Variants in GAS7 observed in about 807,000 individuals in gnomAD.
GAS7 encodes the protein growth arrest specific 7, also known as growth arrest-specific protein 7.
A neutral mutation model predicts 71.1 loss-of-function variants in GAS7; 28 were observed. The ratio of observed to expected loss-of-function variants is 0.39; its 90% CI spans 0.29 to 0.54. The LOEUF (loss-of-function observed/expected upper bound fraction) is 0.54. Ranked by LOEUF, GAS7 falls within the 20% of genes least tolerant of loss-of-function variation. GAS7 has a pLI of 0.62. For missense variants in GAS7, 436 were observed against 627.8 expected (o/e 0.69, Z 3.27); for synonymous variants, 258 against 245.8 (o/e 1.05, Z -0.46).
Position 9,912,953 on chromosome 17 carries a change from CA to C in GAS7, c.*4274del. On this transcript the variant is annotated 3_prime_UTR_variant, in exon 14 of 14. Coordinates refer to ENST00000432992, the MANE Select transcript of GAS7 (RefSeq NM_201433.2). ...TAAGCTGAGGGAAAGATGCCAGACT[CA>C]AAAGGCGACATCAGTGTGACTCCAT... 4.3e-6 allele frequency: 1 copy of C among 233,030 alleles called. No individual in the cohort carries two copies. 14.4% of individuals were successfully genotyped at this position (233,030 alleles called of 1,614,324 possible).
rs538341377 is a variant in GAS7, at chr17:9,985,004, C to T, written c.305-3120G>A. Among the ~76,000 whole-genome samples, 203 of 124,026 alleles carry T rather than the reference C, an allele frequency of 1.6e-3. 3 individuals carry two copies. The South Asian group carries it at 0.044, about 27-fold the overall frequency. 81.4% of individuals were successfully genotyped at this position (124,026 alleles called of 152,430 possible). A position where few individuals can be genotyped will look rare whatever the true frequency, so the allele number is the denominator to read the frequency against. On this transcript the variant is annotated intron_variant, in intron 2 of 13. Transcript: ENST00000432992. ...AGTCAAGACCGGGCTCCCCTCTCCA[C>T]CCTCTCCTCCGAGTCTCCTGGGTTC...
intron 1 of GAS7, among the ~76,000 whole-genome samples, chr17:10,165,229 T>C (rs2074284966): frequency 6.7e-6 from 1 of 148,550 alleles, no homozygotes; most frequent in Admixed American, 6.7e-5. Flanking sequence ...GAGGCAGAGC[T>C]TGCAGTGAGC....
At chr17:10,057,555 C>T (rs1438546423) in intron 1 of GAS7, among the ~76,000 whole-genome samples, 13 of 148,708 alleles carry the variant, frequency 8.7e-5, no homozygotes, top group African/African-American at 2.5e-4. Flanking sequence ...CATCTCCACC[C>T]GGCAGCCGCC....
At chr17:10,001,625 GAATTGC>G (rs1482757406) in intron 2 of GAS7, among the ~76,000 whole-genome samples, 4 of 152,122 alleles carry the variant, frequency 2.6e-5, no homozygotes, top group African/African-American at 9.7e-5. Flanking sequence ...AGAGATGGGG[GAATTGC>G]AATTTCAGGA....
At chr17:10,192,321 A>G (rs1319626318) in intron 1 of GAS7, among the ~76,000 whole-genome samples, 1 of 152,232 alleles carries the variant, frequency 6.6e-6, no homozygotes, top group Non-Finnish European at 1.5e-5. Context: ...AAAGCCTGTC[A>G]TGTGTCGCCT....
intron 2 of GAS7, among the ~76,000 whole-genome samples, chr17:10,018,775 C>CA (rs2072142875): frequency 6.6e-6 from 1 of 152,124 alleles, no homozygotes; most frequent in South Asian, 2.1e-4. Flanking sequence ...GTAACGATAC[C>CA]CCCAGGTGGG....
chr17:10,095,336 C>T (rs2073629813), intron 1 of GAS7, among the ~76,000 whole-genome samples: 1 of 152,174 alleles, frequency 6.6e-6, no homozygotes, highest in Non-Finnish European at 1.5e-5. Context: ...CCTGATCTGA[C>T]CATTCTTTAT....
chr17:10,004,992 A>G (rs546151940), intron 2 of GAS7, among the ~76,000 whole-genome samples: 57 of 151,958 alleles, frequency 3.8e-4, no homozygotes, highest in African/African-American at 1.2e-3. Flanking sequence ...CCTCGGCGAC[A>G]GAGCAGGACT....
At chr17:9,986,525 C>T (rs948894366) in intron 2 of GAS7, among the ~76,000 whole-genome samples, 1 of 152,232 alleles carries the variant, frequency 6.6e-6, no homozygotes, top group African/African-American at 2.4e-5. Context: ...TCCTTGAGCC[C>T]TCCATGAAGG....
At chr17:9,935,429 C>CCT (rs2068366180) in intron 8 of GAS7, among the ~76,000 whole-genome samples, 1 of 152,128 alleles carries the variant, frequency 6.6e-6, no homozygotes, top group Non-Finnish European at 1.5e-5. Flanking sequence ...GTGATACCCC[C>CCT]GCTTTCTTGC....
chr17:9,998,001 C>T (rs1332692337), intron 2 of GAS7, among the ~76,000 whole-genome samples: 3 of 152,178 alleles, frequency 2.0e-5, no homozygotes, highest in Admixed American at 6.5e-5. Flanking sequence ...TAGGTTCTTA[C>T]GGGGGCTTCA....
chr17:10,100,914 G>A (rs2073692303), intron 1 of GAS7, among the ~76,000 whole-genome samples: 2 of 152,152 alleles, frequency 1.3e-5, no homozygotes, highest in South Asian at 4.1e-4. Context: ...CACTGCCTTT[G>A]CTTCTTCTAT....
Position 9,919,586 on chromosome 17 carries a change from G to T in GAS7, c.1218+40C>A, listed in dbSNP as rs1567769595. ...AACCACCAGGGGCTGCTCTGTGTCA[G>T]CCTCTGTACTGCCATGTCCACACAT... is the stretch of plus-strand genomic sequence containing the variant. On this transcript the variant is annotated intron_variant, in intron 12 of 13. Transcript: ENST00000432992. The surrounding 1 kb of genome is among the most constrained non-coding windows in gnomAD (Gnocchi z 5.0). The T allele has an allele frequency of 2.8e-6, 4 of 1,430,262 alleles. No individual in the cohort carries two copies. Among genetic ancestry groups the T allele is most frequent in the Admixed American group, 3.3e-5 (2 of 59,818 alleles). The allele number at this position is 1,430,262 out of a possible 1,614,324, so 88.6% of individuals were successfully genotyped here. A position where few individuals can be genotyped will look rare whatever the true frequency, so the allele number is the denominator to read the frequency against.
chr17:9,981,004 C>A lies in GAS7; in HGVS notation c.385+800G>T. Among the ~76,000 whole-genome samples the A allele has an allele frequency of 6.6e-6, 1 of 152,150 alleles. No homozygotes were observed. The highest frequency in any genetic ancestry group is 1.9e-4 in the East Asian group (1 of 5,180). On this transcript the variant is annotated intron_variant, in intron 3 of 13. Transcript: ENST00000432992. The surrounding 1 kb of genome is among the most constrained non-coding windows in gnomAD (Gnocchi z 4.4). The stretch of plus-strand genomic sequence containing the variant: ...ACCTCCCACCTATTATAGGAATGTC[C>A]ATTTCAGCCAGGCGCGGTGGCTCAC...
In GAS7 at chr17:10,029,078, A is replaced by G. The variant is rs189183022; in HGVS notation, c.184-9181T>C. ...GATTTCAAAAAACCAACCAGCAGAC[A>G]TACCCTAACAACATATTTACACAGC... On this transcript the variant is annotated intron_variant, in intron 1 of 13. Coordinates refer to ENST00000432992, the MANE Select transcript of GAS7 (RefSeq NM_201433.2). Among the ~76,000 whole-genome samples, 121 of 152,364 alleles carry G rather than the reference A, an allele frequency of 7.9e-4. 1 individual carries two copies. The highest frequency in any genetic ancestry group is 1.1e-3 in the Non-Finnish European group (72 of 68,036).
chr17:9,910,905 G>A lies in GAS7; in HGVS notation c.*6323C>T, dbSNP rs1597421136. The A allele has an allele frequency of 4.3e-6, 1 of 230,312 alleles. No homozygotes were observed. Among genetic ancestry groups the A allele is most frequent in the Non-Finnish European group, 8.6e-6 (1 of 116,054 alleles). 14.3% of individuals were successfully genotyped at this position (230,312 alleles called of 1,614,324 possible). A position where few individuals can be genotyped will look rare whatever the true frequency, so the allele number is the denominator to read the frequency against. ...CATACCGGGGTGAGGAGTGCTGGCGGGAGACACGGCTCTTTAACATGAAAA... is the reference window on the plus strand; with the variant it reads ...CATACCGGGGTGAGGAGTGCTGGCGAGAGACACGGCTCTTTAACATGAAAA... On this transcript the variant is annotated 3_prime_UTR_variant, in exon 14 of 14. Transcript: ENST00000432992.
intron 5 of GAS7, among the ~76,000 whole-genome samples, chr17:9,957,527 T>C (rs58581446): frequency 0.05 from 7,691 of 152,328 alleles, 617 homozygotes; most frequent in African/African-American, 0.17. Flanking sequence ...CTTTTCACTT[T>C]GCATTTTTGT....
intron 1 of GAS7, among the ~76,000 whole-genome samples, chr17:10,045,242 A>G (rs1488660675): frequency 6.6e-6 from 1 of 152,180 alleles, no homozygotes; most frequent in Non-Finnish European, 1.5e-5. Flanking sequence ...ATTAAAGAAG[A>G]GAACAAGAAA....
At chr17:10,183,920 G>A (rs1233398457) in intron 1 of GAS7, among the ~76,000 whole-genome samples, 2 of 151,914 alleles carry the variant, frequency 1.3e-5, no homozygotes, top group African/African-American at 2.4e-5. Flanking sequence ...TTTGTACGCA[G>A]ACCTGCCACC....
Sources: gnomAD v4.1 joint callset for allele counts (sites outside exome capture counted in the v4.1 genomes callset) on GRCh38, gnomAD v4.1.1 for gene constraint, Gnocchi (gnomAD v3.1) non-coding constraint, MANE v1.5 for transcripts, NCBI Gene and HGNC (gene_info 2026-07-23, HGNC 2026-07-21) for gene names.